The following NOS1AP variants were observed in gnomAD, a reference collection of about 807,000 sequenced individuals.
The protein encoded by NOS1AP is nitric oxide synthase 1 adaptor protein.
Under a neutral mutation model 56.2 loss-of-function variants are expected in NOS1AP, and 21 were observed. The ratio of observed to expected loss-of-function variants is 0.37; its 90% CI spans 0.26 to 0.54. The LOEUF (loss-of-function observed/expected upper bound fraction) is 0.54, where lower values mean the gene tolerates loss of function less well. Ranked by LOEUF, NOS1AP falls within the 20% of genes least tolerant of loss-of-function variation. NOS1AP has a pLI of 0.84. For synonymous variants in NOS1AP, 270 were observed against 274.6 expected, an observed-to-expected ratio of 0.98 and a Z score of 0.17; for missense variants, 522 against 657.8, an observed-to-expected ratio of 0.79 and a Z score of 2.26.
intron 1 of NOS1AP, among the ~76,000 whole-genome samples, chr1:162,106,495 C>G (rs1019620814): frequency 6.6e-6 from 1 of 152,120 alleles, no homozygotes; most frequent in Non-Finnish European, 1.5e-5. Context: ...TTTTATGGCT[C>G]TTTTCACTAC....
chr1:162,287,789 G>A (rs1655136368), intron 3 of NOS1AP, among the ~76,000 whole-genome samples: 1 of 152,206 alleles, frequency 6.6e-6, no homozygotes, highest in Admixed American at 6.5e-5. Context: ...GGTTCAGTGG[G>A]ATTGGGCAGC....
intron 1 of NOS1AP, among the ~76,000 whole-genome samples, chr1:162,097,445 G>C (rs143815234): frequency 6.6e-6 from 1 of 152,142 alleles, no homozygotes; most frequent in East Asian, 1.9e-4. Flanking sequence ...TTCTTTGTCT[G>C]TTTCAACATT....
At position 162,323,138 on chromosome 1, in the gene NOS1AP, G is replaced by C. The variant is rs572629078; in HGVS notation, c.345-9879G>C. ...GGGTGGACCCTAAATCCAATGACCAGGGTCCTTACAAGAAGAGGGAAATTT... is the reference window on the plus strand; with the variant it reads ...GGGTGGACCCTAAATCCAATGACCACGGTCCTTACAAGAAGAGGGAAATTT... On this transcript the variant is annotated intron_variant, in intron 4 of 9. Coordinates refer to ENST00000361897, the MANE Select transcript of NOS1AP (RefSeq NM_014697.3). Among the ~76,000 whole-genome samples the C allele has an allele frequency of 3.3e-5, 5 of 152,340 alleles. No individual in the cohort carries two copies. In the East Asian group the frequency reaches 9.6e-4, roughly 29 times the overall value.
chr1:162,316,384 C>A (rs1407959302), intron 4 of NOS1AP, among the ~76,000 whole-genome samples: 1 of 152,226 alleles, frequency 6.6e-6, no homozygotes, highest in Non-Finnish European at 1.5e-5. Context: ...GTGGGTTTAA[C>A]CACTAAGCAA....
intron 3 of NOS1AP, among the ~76,000 whole-genome samples, chr1:162,291,664 C>G (rs990597546): frequency 1.3e-5 from 2 of 151,512 alleles, no homozygotes; most frequent in African/African-American, 4.9e-5. Flanking sequence ...TAAAAAACAT[C>G]TTTTTGGTTA....
intron 2 of NOS1AP, among the ~76,000 whole-genome samples, chr1:162,252,677 C>T (rs1653903121): frequency 6.6e-6 from 1 of 152,148 alleles, no homozygotes; most frequent in South Asian, 2.1e-4. Context: ...TTCTTTAACT[C>T]TTTGGGGCAC....
At chr1:162,106,266 G>GC (rs1254064368) in intron 1 of NOS1AP, among the ~76,000 whole-genome samples, 23 of 152,180 alleles carry the variant, frequency 1.5e-4, no homozygotes, top group Admixed American at 1.0e-3. Flanking sequence ...ATGGGCCACT[G>GC]CCCCATCCTG....
rs1647262942 is a variant in NOS1AP, at chr1:162,368,824, A to G, written c.*1357A>G. ...GAATTAAGTCTTTATCCTAGACAAC[A>G]AGGTACAGATGCAAACTGCAGTGTT... On this transcript the variant is annotated 3_prime_UTR_variant, in exon 10 of 10. Transcript: ENST00000361897. 6.6e-6 allele frequency: 1 copy of G among 152,242 alleles called. No individual in the cohort carries two copies. The highest frequency in any genetic ancestry group is 2.1e-4 in the South Asian group (1 of 4,836). 9.4% of individuals were successfully genotyped at this position (152,242 alleles called of 1,614,324 possible).
intron 1 of NOS1AP, among the ~76,000 whole-genome samples, chr1:162,137,021 G>A (rs138488106): frequency 6.6e-6 from 1 of 152,248 alleles, no homozygotes; most frequent in African/African-American, 2.4e-5. Context: ...TCGTCAACTT[G>A]GTACTTGATC....
intron 2 of NOS1AP, among the ~76,000 whole-genome samples, chr1:162,223,542 A>G (rs1216356536): frequency 1.3e-5 from 2 of 152,196 alleles, no homozygotes; most frequent in Admixed American, 6.5e-5. Context: ...CTCCAAGGTC[A>G]AGACGTAGAA....
intron 1 of NOS1AP, among the ~76,000 whole-genome samples, chr1:162,139,150 C>T (rs6427651): frequency 0.69 from 105,596 of 152,064 alleles, 37,114 homozygotes; most frequent in Non-Finnish European, 0.73. Flanking sequence ...TAGCCCATCC[C>T]GGGTTTTGAC....
intron 4 of NOS1AP, among the ~76,000 whole-genome samples, chr1:162,302,855 CCTTT>C (rs1655709444): frequency 6.6e-6 from 1 of 152,172 alleles, no homozygotes; most frequent in Non-Finnish European, 1.5e-5. Flanking sequence ...ACCACGATCT[CCTTT>C]CTGTTATTGA....
In NOS1AP at chr1:162,251,869, G is replaced by GTTTTTT. The variant is rs57313228; in HGVS notation, c.178-35460_178-35455dup. ...CACCTAGCTAGTTGTTTTTTTTTTT[G>GTTTTTT]TTTTTTTTTTTTTTTTTTTTGTGGA... On this transcript the variant is annotated intron_variant, in intron 2 of 9. Transcript: ENST00000361897. 5.5e-4 allele frequency among the ~76,000 whole-genome samples: 45 copies of GTTTTTT among 82,122 alleles called. 2 individuals carry two copies. Among genetic ancestry groups the GTTTTTT allele is most frequent in the South Asian group, 1.1e-3 (2 of 1,832 alleles). 53.9% of individuals were successfully genotyped at this position (82,122 alleles called of 152,430 possible).
At position 162,069,693 on chromosome 1, in the gene NOS1AP, A is replaced by G. The variant is rs1408799372; in HGVS notation, c.-485A>G. The G allele has an allele frequency of 6.6e-6, 1 of 151,726 alleles. No individual in the cohort carries two copies. Among genetic ancestry groups the G allele is most frequent in the Admixed American group, 6.6e-5 (1 of 15,144 alleles). The allele number at this position is 151,726 out of a possible 1,614,324, so 9.4% of individuals were successfully genotyped here. A position where few individuals can be genotyped will look rare whatever the true frequency, so the allele number is the denominator to read the frequency against. On this transcript the variant is annotated 5_prime_UTR_variant, in exon 1 of 10. Transcript: ENST00000361897. ...AGGAGCCGGCCTGGGCCCGCCCCAC[A>G]GGAGGAGCCGCTCGCTGGCGGCTGA...
intron 2 of NOS1AP, among the ~76,000 whole-genome samples, chr1:162,214,173 G>C (rs991817433): frequency 6.6e-6 from 1 of 152,190 alleles, no homozygotes; most frequent in Non-Finnish European, 1.5e-5. Flanking sequence ...TGGGACCAGA[G>C]TTCCTTTTCC....
At chr1:162,324,357 T>C (rs1027005239) in intron 4 of NOS1AP, among the ~76,000 whole-genome samples, 1 of 150,984 alleles carries the variant, frequency 6.6e-6, no homozygotes, top group East Asian at 1.9e-4. Context: ...TGGAGAGAAA[T>C]TAAAGTCTTG....
chr1:162,243,443 G>A (rs537347517), intron 2 of NOS1AP, among the ~76,000 whole-genome samples: 13 of 152,276 alleles, frequency 8.5e-5, no homozygotes, highest in Non-Finnish European at 1.6e-4. Flanking sequence ...AAAAAAACAA[G>A]GAAGAGAGAT....
intron 1 of NOS1AP, among the ~76,000 whole-genome samples, chr1:162,118,760 A>G (rs1319618446): frequency 6.6e-6 from 1 of 152,190 alleles, no homozygotes; most frequent in East Asian, 1.9e-4. Context: ...CTCCATGTTT[A>G]CTGAATACCC....
chr1:162,333,267 T>G (rs1476424180), intron 5 of NOS1AP, 142 bp downstream of exon 5: 1 of 696,822 alleles, frequency 1.4e-6, no homozygotes, highest in Admixed American at 2.0e-5. Context: ...ATTGCTCCTA[T>G]ATAATGGAAT....
Sources: allele counts gnomAD v4.1 joint callset (sites outside exome capture counted in the v4.1 genomes callset), GRCh38; gene constraint gnomAD v4.1.1; transcripts MANE v1.5; gene names NCBI Gene and HGNC (gene_info 2026-07-23, HGNC 2026-07-21).